The following CFAP52 variants were observed in gnomAD, a reference collection of about 807,000 sequenced individuals.
CFAP52 encodes the protein cilia- and flagella-associated protein 52.
In CFAP52, 57 loss-of-function variants were observed where a neutral mutation model predicts 70.5. The observed-to-expected ratio is 0.81, with a 90% CI of 0.65 to 1.01. The LOEUF is 1.01. Among genes scored for constraint, CFAP52 ranks in the 50% least tolerant of loss-of-function variants. The pLI, the probability that CFAP52 is intolerant of heterozygous loss-of-function variation, is 0.00. For missense variants in CFAP52, 785 were observed against 788.5 expected (o/e 1.00, Z 0.05); for synonymous variants, 267 against 292.5 (o/e 0.91, Z 0.89).
chr17:9,594,129 T>A, intron 3 of CFAP52, 64 bp from the exon 4 acceptor site: 1 of 1,516,220 alleles, frequency 6.6e-7, no homozygotes, highest in South Asian at 1.3e-5. Flanking sequence ...AAGATGGTTG[T>A]TTCTTATTTT....
At chr17:9,616,124 G>T (rs1160360222) in intron 8 of CFAP52, among the ~76,000 whole-genome samples, 2 of 150,458 alleles carry the variant, frequency 1.3e-5, no homozygotes, top group East Asian at 4.0e-4. Flanking sequence ...GACAGTGGGC[G>T]CAGGCCAGTG....
At chr17:9,614,153 CTTTCT>C (rs1170615203) in intron 8 of CFAP52, among the ~76,000 whole-genome samples, 24 of 117,552 alleles carry the variant, frequency 2.0e-4, no homozygotes, top group South Asian at 5.5e-4. Context: ...TCTTTTCTTT[CTTTCT>C]TTTTTTTTTT....
intron 10 of CFAP52, among the ~76,000 whole-genome samples, chr17:9,634,597 G>T (rs992162231): frequency 6.6e-6 from 1 of 150,696 alleles, no homozygotes; most frequent in East Asian, 2.0e-4. Context: ...CTCAAAAAAA[G>T]AAAAAAAAAT....
At chr17:9,634,296 G>A (rs554843979) in intron 10 of CFAP52, among the ~76,000 whole-genome samples, 5 of 152,266 alleles carry the variant, frequency 3.3e-5, no homozygotes, top group Admixed American at 6.5e-5. Flanking sequence ...ATAAGAAGGC[G>A]TAAGCATCTG....
chr17:9,633,088 T>C (rs922732642), intron 10 of CFAP52, 55 bp downstream of exon 10: 5 of 1,560,814 alleles, frequency 3.2e-6, no homozygotes, highest in Non-Finnish European at 3.5e-6. Flanking sequence ...AACTGCCCTA[T>C]AGGAAGCCAT....
At chr17:9,629,728 A>G (rs1910389786) in intron 9 of CFAP52, among the ~76,000 whole-genome samples, 1 of 150,608 alleles carries the variant, frequency 6.6e-6, no homozygotes, top group African/African-American at 2.5e-5. Context: ...ATCTGGGACT[A>G]CAGGCGTGTG....
chr17:9,605,866 A>G (rs1253432769), intron 6 of CFAP52, among the ~76,000 whole-genome samples: 1 of 152,132 alleles, frequency 6.6e-6, no homozygotes. Flanking sequence ...GAGAGTATGC[A>G]ATGCCAAGAG....
At chr17:9,604,701 G>A (rs991356174) in intron 6 of CFAP52, among the ~76,000 whole-genome samples, 1 of 151,716 alleles carries the variant, frequency 6.6e-6, no homozygotes, top group Non-Finnish European at 1.5e-5. Flanking sequence ...CCGGCAGTGA[G>A]ATCACGCCAT....
chr17:9,599,756 C>G (rs1007128358), intron 5 of CFAP52, among the ~76,000 whole-genome samples: 11 of 149,926 alleles, frequency 7.3e-5, no homozygotes, highest in Non-Finnish European at 1.5e-4. Context: ...TTTTTTTTTT[C>G]CTGAGACAGA....
intron 7 of CFAP52, among the ~76,000 whole-genome samples, chr17:9,609,063 C>A (rs1909618954): frequency 6.6e-6 from 1 of 152,008 alleles, no homozygotes; most frequent in African/African-American, 2.4e-5. Flanking sequence ...AACCAGATAC[C>A]CCACACATGT....
intron 3 of CFAP52, among the ~76,000 whole-genome samples, chr17:9,592,869 C>T (rs72820024): frequency 0.012 from 1,854 of 152,224 alleles, 21 homozygotes; most frequent in East Asian, 0.027. Flanking sequence ...CTCTTGGATA[C>T]GAGGCACTTC....
In CFAP52 at chr17:9,635,520, C is replaced by T. The variant is rs1287981640; in HGVS notation, c.1436C>T (p.Ala479Val). ...AGGAACAACGAGGAGTGTGTCACCG[C>T]CAGCACCGATGGGACTTGTATCATT... Reference protein sequence around the residue: ...VKRNNEECVTASTDGTCIIWD... With the variant: ...VKRNNEECVTVSTDGTCIIWD... The change falls in exon 11 of 14, where the codon GCC becomes GTC. Residue 479 changes from alanine to valine, a missense_variant. By Grantham distance (64) the Ala-to-Val change is moderately conservative. Coordinates refer to ENST00000352665, the MANE Select transcript of CFAP52 (RefSeq NM_145054.5). The T allele has an allele frequency of 6.2e-7, 1 of 1,614,084 alleles. No individual in the cohort carries two copies. Among genetic ancestry groups the T allele is most frequent in the African/African-American group, 1.3e-5 (1 of 74,940 alleles).
intron 11 of CFAP52, among the ~76,000 whole-genome samples, chr17:9,635,775 TC>T (rs1164785434): frequency 6.6e-6 from 1 of 152,188 alleles, no homozygotes; most frequent in Non-Finnish European, 1.5e-5. Context: ...GTTAGAAGTT[TC>T]TGGGCAGATA....
At chr17:9,588,368 T>C (rs1267468450) in intron 3 of CFAP52, among the ~76,000 whole-genome samples, 1 of 152,102 alleles carries the variant, frequency 6.6e-6, no homozygotes, top group Non-Finnish European at 1.5e-5. Flanking sequence ...CTCAGCCCGC[T>C]CGTGCCCAGA....
chr17:9,595,485 G>A (rs530350690), intron 4 of CFAP52, among the ~76,000 whole-genome samples: 1 of 150,800 alleles, frequency 6.6e-6, no homozygotes, highest in East Asian at 2.0e-4. Flanking sequence ...ACCACGGGCT[G>A]TGGCGACACT....
chr17:9,580,178 A>C (rs1474954216), intron 1 of CFAP52, among the ~76,000 whole-genome samples: 5 of 152,150 alleles, frequency 3.3e-5, no homozygotes, highest in African/African-American at 1.2e-4. Context: ...TTTTGTAAAT[A>C]AAGTTTTATT....
chr17:9,637,724 G>A (rs567399834), intron 11 of CFAP52, among the ~76,000 whole-genome samples: 13 of 152,234 alleles, frequency 8.5e-5, no homozygotes, highest in Admixed American at 4.6e-4. Context: ...ACAGGCATGC[G>A]CCACCACGCC....
Position 9,643,239 on chromosome 17 carries a change from C to A in CFAP52, c.*41C>A. 6.7e-7 allele frequency: 1 copy of A among 1,487,332 alleles called. No homozygotes were observed. The highest frequency in any genetic ancestry group is 9.0e-7 in the Non-Finnish European group (1 of 1,112,770). 92.1% of individuals were successfully genotyped at this position (1,487,332 alleles called of 1,614,324 possible). A position where few individuals can be genotyped will look rare whatever the true frequency, so the allele number is the denominator to read the frequency against. ...TCTGAGCCTTGGCGTTGCACGCAGT[C>A]CTGTTGAAGACTGAGTTTAGATAAC... On this transcript the variant is annotated 3_prime_UTR_variant, in exon 14 of 14. Transcript: ENST00000352665.
Position 9,585,886 on chromosome 17 carries a change from G to A in CFAP52, c.184G>A (p.Gly62Ser). The change falls in exon 2 of 14, where the codon GGT (glycine) becomes AGT (serine). Residue 62 changes from glycine to serine, a missense_variant. Coordinates refer to ENST00000352665, the MANE Select transcript of CFAP52 (RefSeq NM_145054.5). Reference sequence around the variant, plus strand: ...TACTAAAGAGCAGAACTTCCTACAGGGTCATGGCAACAACGTCTCCTGCTT... The same window carrying A: ...TACTAAAGAGCAGAACTTCCTACAGAGTCATGGCAACAACGTCTCCTGCTT... ...INTKEQNFLQ[G>S]HGNNVSCLAI... is the part of the protein sequence containing the mutation. 6.2e-7 allele frequency: 1 copy of A among 1,613,692 alleles called. No individual in the cohort carries two copies. The highest frequency in any genetic ancestry group is 1.1e-5 in the South Asian group (1 of 91,064).
Sources: allele counts gnomAD v4.1 joint callset (sites outside exome capture counted in the v4.1 genomes callset), GRCh38; gene constraint gnomAD v4.1.1; transcripts MANE v1.5; gene names NCBI Gene and HGNC (gene_info 2026-07-23, HGNC 2026-07-21).